Variants in HCN1 observed in about 807,000 individuals in gnomAD.
HCN1 encodes the protein hyperpolarization activated cyclic nucleotide gated potassium channel 1, also known as potassium/sodium hyperpolarization-activated cyclic nucleotide-gated channel 1.
HCN1 carries 13 observed loss-of-function variants against 78.9 expected under a neutral mutation model. The observed-to-expected ratio is 0.16, with a 90% CI of 0.11 to 0.26. The LOEUF (loss-of-function observed/expected upper bound fraction) is 0.26. Among genes scored for constraint, HCN1 ranks in the 10% least tolerant of loss-of-function variants. HCN1 has a pLI of 1.00. For missense variants in HCN1, 810 were observed against 1,154.3 expected (o/e 0.70, Z 4.32); for synonymous variants, 552 against 455.5 (o/e 1.21, Z -2.70).
At chr5:45,372,266 T>C (rs1443333973) in intron 4 of HCN1, among the ~76,000 whole-genome samples, 18 of 84,236 alleles carry the variant, frequency 2.1e-4, no homozygotes, top group African/African-American at 7.7e-4. Flanking sequence ...TATTTATATA[T>C]ATATTTATAT....
intron 4 of HCN1, among the ~76,000 whole-genome samples, chr5:45,379,087 T>C (rs1379460545): frequency 6.6e-6 from 1 of 152,160 alleles, no homozygotes; most frequent in Non-Finnish European, 1.5e-5. Flanking sequence ...AACATGCGTG[T>C]GCATGTGTCT....
chr5:45,316,177 A>G (rs1745987582), intron 5 of HCN1, among the ~76,000 whole-genome samples: 1 of 152,210 alleles, frequency 6.6e-6, no homozygotes, highest in South Asian at 2.1e-4. Flanking sequence ...AAATACTGGC[A>G]AACCGAATGC....
At chr5:45,504,424 T>G (rs924232167) in intron 2 of HCN1, among the ~76,000 whole-genome samples, 1 of 152,216 alleles carries the variant, frequency 6.6e-6, no homozygotes, top group African/African-American at 2.4e-5. Flanking sequence ...ACAAAGGACA[T>G]GAACTCATCC....
At chr5:45,570,060 G>T (rs888951002) in intron 2 of HCN1, among the ~76,000 whole-genome samples, 3 of 152,026 alleles carry the variant, frequency 2.0e-5, no homozygotes, top group African/African-American at 2.4e-5. Flanking sequence ...TTAATGTCAT[G>T]AAATGTTAGT....
chr5:45,648,953 A>C (rs1438907798), intron 1 of HCN1, among the ~76,000 whole-genome samples: 1 of 151,790 alleles, frequency 6.6e-6, no homozygotes, highest in Non-Finnish European at 1.5e-5. Context: ...AAACGAAAAC[A>C]ACTTAGTCTG....
chr5:45,658,582 G>C (rs1390276962), intron 1 of HCN1, among the ~76,000 whole-genome samples: 1 of 151,958 alleles, frequency 6.6e-6, no homozygotes, highest in African/African-American at 2.4e-5. Context: ...AGTGGGCGCA[G>C]GCCAGTGTGT....
chr5:45,502,356 C>T (rs1007496704), intron 2 of HCN1, among the ~76,000 whole-genome samples: 101 of 151,276 alleles, frequency 6.7e-4, no homozygotes, highest in Admixed American at 1.8e-3. Context: ...GTGGTGCACA[C>T]CTGTAATCCC....
intron 6 of HCN1, among the ~76,000 whole-genome samples, chr5:45,284,430 A>G (rs991956011): frequency 1.3e-5 from 2 of 152,168 alleles, no homozygotes; most frequent in African/African-American, 4.8e-5. Context: ...AAGATGAAAA[A>G]TAAGAGGAAA....
At chr5:45,548,246 C>A (rs193014930) in intron 2 of HCN1, among the ~76,000 whole-genome samples, 181 of 151,592 alleles carry the variant, frequency 1.2e-3, no homozygotes, top group Non-Finnish European at 1.9e-3. Flanking sequence ...TATTACTTTA[C>A]TTTTTTTTCA....
At chr5:45,379,713 G>T (rs1747765283) in intron 4 of HCN1, among the ~76,000 whole-genome samples, 1 of 152,024 alleles carries the variant, frequency 6.6e-6, no homozygotes, top group South Asian at 2.1e-4. Context: ...TTCATGGAAT[G>T]CATAACAAGG....
chr5:45,514,534 T>A (rs1462180000), intron 2 of HCN1, among the ~76,000 whole-genome samples: 1 of 152,112 alleles, frequency 6.6e-6, no homozygotes, highest in Admixed American at 6.6e-5. Context: ...TAGTTCCAAT[T>A]CTATTTTTCA....
intron 2 of HCN1, among the ~76,000 whole-genome samples, chr5:45,635,084 T>C (rs994028001): frequency 7.9e-5 from 12 of 152,064 alleles, no homozygotes; most frequent in African/African-American, 2.7e-4. Context: ...ATCCAGAATA[T>C]TGAGGAAGAA....
chr5:45,614,771 A>G (rs1744909437), intron 2 of HCN1, among the ~76,000 whole-genome samples: 1 of 152,042 alleles, frequency 6.6e-6, no homozygotes, highest in Non-Finnish European at 1.5e-5. Context: ...CAGTACTGCA[A>G]AAGAATTTCA....
intron 2 of HCN1, among the ~76,000 whole-genome samples, chr5:45,573,214 G>T (rs1019955781): frequency 6.6e-6 from 1 of 151,874 alleles, no homozygotes; most frequent in African/African-American, 2.4e-5. Flanking sequence ...CATTTTCTTC[G>T]AAATCTATTA....
At chr5:45,609,383 AAAAC>A (rs1744788563) in intron 2 of HCN1, among the ~76,000 whole-genome samples, 1 of 152,156 alleles carries the variant, frequency 6.6e-6, no homozygotes, top group African/African-American at 2.4e-5. Context: ...TATTTCAATA[AAAAC>A]AAACAGCAAC....
At chr5:45,621,790 A>C (rs952413131) in intron 2 of HCN1, among the ~76,000 whole-genome samples, 2 of 152,354 alleles carry the variant, frequency 1.3e-5, no homozygotes, top group South Asian at 2.1e-4. Context: ...AACAAGAATC[A>C]AAATACATTA....
chr5:45,349,259 G>T (rs1418265300), intron 5 of HCN1, among the ~76,000 whole-genome samples: 1 of 152,136 alleles, frequency 6.6e-6, no homozygotes, highest in Admixed American at 6.5e-5. Context: ...TGAACAACCT[G>T]CTCCTGAATG....
At chr5:45,492,212 G>C (rs1252923781) in intron 2 of HCN1, among the ~76,000 whole-genome samples, 1 of 151,216 alleles carries the variant, frequency 6.6e-6, no homozygotes, top group Non-Finnish European at 1.5e-5. Context: ...AGTACAGGCA[G>C]AATAAGCACT....
chr5:45,408,526 T>C (rs1453268085), intron 3 of HCN1, among the ~76,000 whole-genome samples: 1 of 152,152 alleles, frequency 6.6e-6, no homozygotes, highest in Admixed American at 6.6e-5. Flanking sequence ...TAGTAGGCTA[T>C]ATCGTCTAGG....
Sources: allele counts gnomAD v4.1 joint callset (sites outside exome capture counted in the v4.1 genomes callset), GRCh38; gene constraint gnomAD v4.1.1; transcripts MANE v1.5; gene names NCBI Gene and HGNC (gene_info 2026-07-23, HGNC 2026-07-21).